The following TTC7A variants were observed in gnomAD, a reference collection of about 807,000 sequenced individuals.
The protein encoded by TTC7A is tetratricopeptide repeat protein 7A.
A neutral mutation model predicts 103.7 loss-of-function variants in TTC7A; 110 were observed. The ratio of observed to expected loss-of-function variants is 1.06; its 90% confidence interval spans 0.91 to 1.24. TTC7A has a LOEUF of 1.24. TTC7A is among the 50% of genes most tolerant of loss of function. The pLI, the probability that TTC7A is intolerant of heterozygous loss-of-function variation, is 0.00. For synonymous variants in TTC7A, 521 were observed against 467.9 expected, an observed-to-expected ratio of 1.11 and a Z score of -1.47; for missense variants, 1,340 against 1,116.3, an observed-to-expected ratio of 1.20 and a Z score of -2.86.
intron 15 of TTC7A, among the ~76,000 whole-genome samples, chr2:47,042,702 G>GTATATA (rs58300158): frequency 2.8e-5 from 4 of 142,636 alleles, no homozygotes; most frequent in African/African-American, 8.0e-5. Flanking sequence ...GTGTGTGTGT[G>GTATATA]TATATATATG....
chr2:47,011,207 T>A (rs1678005081), intron 10 of TTC7A, 124 bp from the exon 11 acceptor site: 2 of 851,988 alleles, frequency 2.3e-6, no homozygotes, highest in Admixed American at 2.7e-5. Context: ...CCTGGACCTC[T>A]TCCTGGCTCC....
intron 19 of TTC7A, among the ~76,000 whole-genome samples, chr2:47,066,317 C>G (rs543406120): frequency 6.6e-6 from 1 of 152,112 alleles, no homozygotes; most frequent in Admixed American, 6.5e-5. Context: ...ATCCCTCACC[C>G]CAGGCTGTGG....
At chr2:47,030,709 G>A (rs555319850) in intron 15 of TTC7A, among the ~76,000 whole-genome samples, 2 of 152,170 alleles carry the variant, frequency 1.3e-5, no homozygotes, top group South Asian at 2.1e-4. Flanking sequence ...CCCCTGCCCC[G>A]CCTGTTCCCC....
At chr2:46,955,406 T>G (rs1572713294) in intron 2 of TTC7A, among the ~76,000 whole-genome samples, 1 of 152,058 alleles carries the variant, frequency 6.6e-6, no homozygotes, top group African/African-American at 2.4e-5. Flanking sequence ...TTTGGAGAGT[T>G]AATTAATAGA....
chr2:46,974,880 C>T, intron 3 of TTC7A, 93 bp from the exon 4 acceptor site: 3 of 1,534,526 alleles, frequency 2.0e-6, no homozygotes, highest in African/African-American at 1.4e-5. Flanking sequence ...GAGTGTCTGC[C>T]CCCTCGGATG....
intron 18 of TTC7A, among the ~76,000 whole-genome samples, chr2:47,052,815 G>A (rs1433169757): frequency 6.6e-6 from 1 of 152,142 alleles, no homozygotes; most frequent in Non-Finnish European, 1.5e-5. Flanking sequence ...GGGCCCAGGA[G>A]TACCTCTTGC....
rs370964703 is a variant in TTC7A at position 47,024,273 on chromosome 2, C to G, written c.1569-14C>G. On this transcript the variant is annotated splice_polypyrimidine_tract_variant and intron_variant, in intron 13 of 19. Coordinates refer to ENST00000319190, the MANE Select transcript of TTC7A (RefSeq NM_020458.4). ...CCCCTGGTGCCTGACTTGTCACTCC[C>G]TCTCCCCACACAGGGCTCAGCAGCT... The G allele has an allele frequency of 5.0e-6, 8 of 1,586,088 alleles. No individual in the cohort carries two copies. Among genetic ancestry groups the G allele is most frequent in the African/African-American group, 1.4e-5 (1 of 73,684 alleles).
intron 1 of TTC7A, among the ~76,000 whole-genome samples, chr2:46,916,849 G>A (rs1668822042): frequency 6.6e-6 from 1 of 151,924 alleles, no homozygotes; most frequent in Admixed American, 6.6e-5. Context: ...TGGCCAGGCT[G>A]GTCTCTAACT....
At chr2:46,989,094 C>T (rs2104352137) in intron 5 of TTC7A, among the ~76,000 whole-genome samples, 2 of 152,316 alleles carry the variant, frequency 1.3e-5, no homozygotes, top group South Asian at 4.1e-4. Flanking sequence ...CTGCCTGCTG[C>T]CACCTAGGGG....
chr2:46,979,019 C>A lies in TTC7A; in HGVS notation c.764+112C>A. Reference sequence around the variant, plus strand: ...TCTGGCCTGTGCATACGTGCTCTTCCAAGAGGATTGGTGGGAACTGGCTTG... The same window carrying A: ...TCTGGCCTGTGCATACGTGCTCTTCAAAGAGGATTGGTGGGAACTGGCTTG... On this transcript the variant is annotated intron_variant, in intron 5 of 19. Coordinates refer to ENST00000319190, the MANE Select transcript of TTC7A (RefSeq NM_020458.4). The A allele has an allele frequency of 7.2e-6, 5 of 695,944 alleles. No individual in the cohort carries two copies. The Admixed American group carries it at 7.3e-5, about 10-fold the overall frequency. 43.1% of individuals were successfully genotyped at this position (695,944 alleles called of 1,614,324 possible). A position where few individuals can be genotyped will look rare whatever the true frequency, so the allele number is the denominator to read the frequency against.
intron 10 of TTC7A, among the ~76,000 whole-genome samples, chr2:47,009,886 G>GT (rs34401578): frequency 0.12 from 11,434 of 93,290 alleles, 947 homozygotes; most frequent in South Asian, 0.22. Context: ...GTGTGTGTGT[G>GT]TTTTTTTTTT....
intron 19 of TTC7A, among the ~76,000 whole-genome samples, chr2:47,063,361 C>T (rs4953455): frequency 0.17 from 26,292 of 152,210 alleles, 3,583 homozygotes; most frequent in East Asian, 0.65. Flanking sequence ...ATCTCACCCC[C>T]CTTCAGTCCC....
intron 15 of TTC7A, among the ~76,000 whole-genome samples, chr2:47,036,369 T>C (rs1681108009): frequency 6.6e-6 from 1 of 152,142 alleles, no homozygotes; most frequent in African/African-American, 2.4e-5. Context: ...CATTAAGAGG[T>C]GGAGGATCAT....
At chr2:47,032,689 C>G (rs981614314) in intron 15 of TTC7A, among the ~76,000 whole-genome samples, 1 of 151,748 alleles carries the variant, frequency 6.6e-6, no homozygotes, top group Non-Finnish European at 1.5e-5. Flanking sequence ...TAGGGGGAAG[C>G]AGCAGTAGGT....
chr2:46,957,751 C>A (rs1672010630), intron 3 of TTC7A, among the ~76,000 whole-genome samples: 1 of 152,220 alleles, frequency 6.6e-6, no homozygotes, highest in Non-Finnish European at 1.5e-5. Flanking sequence ...CAGGCTCCTT[C>A]TTCCCTGGAT....
intron 2 of TTC7A, among the ~76,000 whole-genome samples, chr2:46,933,044 C>G (rs1336220520): frequency 1.3e-5 from 2 of 152,188 alleles, no homozygotes; most frequent in African/African-American, 4.8e-5. Context: ...TGAAAAGGCT[C>G]TGAGCCCTTG....
chr2:47,074,200 G>A lies in TTC7A; in HGVS notation c.*277G>A. 2 of 492,896 alleles carry A rather than the reference G, an allele frequency of 4.1e-6. No homozygotes were observed. Among genetic ancestry groups the A allele is most frequent in the Non-Finnish European group, 7.4e-6 (2 of 272,068 alleles). 30.5% of individuals were successfully genotyped at this position (492,896 alleles called of 1,614,324 possible). On this transcript the variant is annotated 3_prime_UTR_variant, in exon 20 of 20. Transcript: ENST00000319190. ...CTTGCTCCCCAAGAGCTGGGCAGCG[G>A]GGAGCCTCACAGCTGTCCTTCACCC...
intron 8 of TTC7A, among the ~76,000 whole-genome samples, chr2:47,003,087 C>T (rs1229895640): frequency 2.0e-5 from 3 of 152,226 alleles, no homozygotes; most frequent in African/African-American, 7.2e-5. Flanking sequence ...CTCTGCCAGA[C>T]ACAAATTCAG....
rs150786716 is a variant in TTC7A at position 47,017,378 on chromosome 2, A to T, written c.1393-4484A>T. 2.4e-3 allele frequency among the ~76,000 whole-genome samples: 364 copies of T among 151,756 alleles called. 1 individual carries two copies. The highest frequency in any genetic ancestry group is 8.1e-3 in the African/African-American group (335 of 41,352). On this transcript the variant is annotated intron_variant, in intron 11 of 19. Coordinates refer to ENST00000319190, the MANE Select transcript of TTC7A (RefSeq NM_020458.4). ...ATCTCTACAAAAAATAAAAATAAAA[A>T]GGTAAAAAGTCAGCCTGGTGCAATG...
Sources: allele counts gnomAD v4.1 joint callset (sites outside exome capture counted in the v4.1 genomes callset), GRCh38; gene constraint gnomAD v4.1.1; transcripts MANE v1.5; gene names NCBI Gene and HGNC (gene_info 2026-07-23, HGNC 2026-07-21).